Variants in PACRG observed in about 807,000 individuals in gnomAD.
The protein encoded by PACRG is parkin coregulated.
In PACRG, 29 loss-of-function variants were observed where a neutral mutation model predicts 29.7. The ratio of observed to expected loss-of-function variants is 0.98; its 90% CI spans 0.73 to 1.33. The LOEUF (loss-of-function observed/expected upper bound fraction) is 1.33, where lower values mean the gene tolerates loss of function less well. PACRG is among the 40% of genes most tolerant of loss of function. The pLI, the probability that PACRG is intolerant of heterozygous loss-of-function variation, is 0.00. For synonymous variants in PACRG, 116 were observed against 118.7 expected, an observed-to-expected ratio of 0.98 and a Z score of 0.15; for missense variants, 279 against 316.2, an observed-to-expected ratio of 0.88 and a Z score of 0.89.
intron 4 of PACRG, among the ~76,000 whole-genome samples, chr6:163,269,987 G>C (rs1365449715): frequency 6.9e-5 from 7 of 101,924 alleles, no homozygotes; most frequent in East Asian, 3.0e-4. Context: ...AAGAAAGAAA[G>C]AAAGAAAGAA....
At chr6:163,041,205 C>A (rs768273936) in intron 2 of PACRG, among the ~76,000 whole-genome samples, 1 of 151,888 alleles carries the variant, frequency 6.6e-6, no homozygotes, top group Non-Finnish European at 1.5e-5. Context: ...GGCGTGGTGG[C>A]GGGCGCCTGT....
chr6:163,066,153 T>G (rs1281900613), intron 3 of PACRG, among the ~76,000 whole-genome samples: 1 of 152,154 alleles, frequency 6.6e-6, no homozygotes, highest in Non-Finnish European at 1.5e-5. Flanking sequence ...AACTTTAAAT[T>G]ATAACATAAA....
chr6:162,751,587 A>G lies in PACRG; in HGVS notation c.156+23196A>G, dbSNP rs182976302. 4.0e-4 allele frequency among the ~76,000 whole-genome samples: 61 copies of G among 152,272 alleles called. No homozygotes were observed. The East Asian group carries it at 7.1e-3, about 18-fold the overall frequency. On this transcript the variant is annotated intron_variant, in intron 1 of 4. Transcript: ENST00000366888. Reference sequence around the variant, plus strand: ...TTCTTATTCTCAAACTTAATTGTCAATATCAAATAGAGCTTCTCAGATGAG... The same window carrying G: ...TTCTTATTCTCAAACTTAATTGTCAGTATCAAATAGAGCTTCTCAGATGAG...
chr6:162,746,059 T>G (rs1780965474), intron 1 of PACRG, among the ~76,000 whole-genome samples: 1 of 152,136 alleles, frequency 6.6e-6, no homozygotes, highest in Admixed American at 6.6e-5. Flanking sequence ...AAAAAAATTA[T>G]GTAATAAATG....
intron 2 of PACRG, among the ~76,000 whole-genome samples, chr6:163,040,351 C>A (rs905237328): frequency 3.9e-5 from 6 of 152,208 alleles, no homozygotes; most frequent in Admixed American, 1.3e-4. Flanking sequence ...AAGGGCAGAG[C>A]CCTCATGGAG....
chr6:163,259,850 C>G (rs529816481), intron 4 of PACRG, among the ~76,000 whole-genome samples: 114 of 152,304 alleles, frequency 7.5e-4, no homozygotes, highest in Admixed American at 1.4e-3. Flanking sequence ...CCATCCGCCC[C>G]GCTCCACCCC....
At chr6:162,974,895 C>T (rs1283164026) in intron 2 of PACRG, among the ~76,000 whole-genome samples, 7 of 152,146 alleles carry the variant, frequency 4.6e-5, no homozygotes, top group African/African-American at 1.7e-4. Flanking sequence ...AGTCACTGTC[C>T]TGTGAATTAG....
At chr6:162,946,372 T>C (rs893378240) in intron 2 of PACRG, among the ~76,000 whole-genome samples, 2 of 151,848 alleles carry the variant, frequency 1.3e-5, no homozygotes, top group African/African-American at 4.8e-5. Flanking sequence ...AATTATACAC[T>C]TACAAACTGG....
At chr6:162,835,696 A>G (rs1789164747) in intron 2 of PACRG, among the ~76,000 whole-genome samples, 1 of 152,118 alleles carries the variant, frequency 6.6e-6, no homozygotes, top group African/African-American at 2.4e-5. Flanking sequence ...GGTGTTATAT[A>G]TTACACAAGT....
intron 1 of PACRG, among the ~76,000 whole-genome samples, chr6:162,763,455 T>G (rs1336408501): frequency 2.0e-5 from 3 of 152,188 alleles, no homozygotes; most frequent in Non-Finnish European, 4.4e-5. Flanking sequence ...ATCAGCAAAA[T>G]GATAAAAGAA....
intron 1 of PACRG, among the ~76,000 whole-genome samples, chr6:162,776,147 T>C (rs541886231): frequency 8.5e-5 from 13 of 152,374 alleles, no homozygotes; most frequent in Non-Finnish European, 1.5e-4. Flanking sequence ...TCTCTGTATT[T>C]ATTAGCTACA....
At chr6:162,794,279 T>A (rs575225983) in intron 1 of PACRG, among the ~76,000 whole-genome samples, 1 of 152,192 alleles carries the variant, frequency 6.6e-6, no homozygotes, top group Non-Finnish European at 1.5e-5. Context: ...TACTATATAT[T>A]TCCTGCTTTT....
chr6:163,066,443 G>C (rs111465449), intron 3 of PACRG, among the ~76,000 whole-genome samples: 1 of 152,198 alleles, frequency 6.6e-6, no homozygotes, highest in Non-Finnish European at 1.5e-5. Context: ...GAGGAGGACA[G>C]TGTAGTGTGA....
intron 2 of PACRG, among the ~76,000 whole-genome samples, chr6:162,847,076 C>G (rs937147244): frequency 2.0e-5 from 3 of 150,606 alleles, no homozygotes; most frequent in African/African-American, 7.3e-5. Context: ...CTGCCATGCT[C>G]CCCACACTGC....
intron 4 of PACRG, among the ~76,000 whole-genome samples, chr6:163,096,551 T>A (rs893658553): frequency 2.0e-5 from 3 of 152,218 alleles, no homozygotes; most frequent in Non-Finnish European, 4.4e-5. Flanking sequence ...CGGCTGTGGC[T>A]TTTGACGGGT....
chr6:162,818,779 C>G (rs930399309), intron 2 of PACRG, among the ~76,000 whole-genome samples: 2 of 152,142 alleles, frequency 1.3e-5, no homozygotes, highest in Non-Finnish European at 2.9e-5. Flanking sequence ...ATGACATGCA[C>G]TAAGACGGTC....
chr6:162,747,492 A>ATATATATATATATATATATATATATT (rs1562557321), intron 1 of PACRG, among the ~76,000 whole-genome samples: 3 of 130,442 alleles, frequency 2.3e-5, no homozygotes, highest in Non-Finnish European at 4.8e-5. Flanking sequence ...ATATATATAT[A>ATATATATATATATATATATATATATT]TTCCATTAGT....
intron 1 of PACRG, among the ~76,000 whole-genome samples, chr6:162,783,702 G>A (rs1445579237): frequency 2.6e-5 from 4 of 151,822 alleles, no homozygotes; most frequent in Non-Finnish European, 5.9e-5. Flanking sequence ...TATCTCATTA[G>A]TATAAATTCC....
At chr6:162,849,047 A>T (rs934281605) in intron 2 of PACRG, among the ~76,000 whole-genome samples, 1 of 152,206 alleles carries the variant, frequency 6.6e-6, no homozygotes, top group African/African-American at 2.4e-5. Context: ...CCAGAGAAAC[A>T]CAAGAGAAGG....
Sources: allele counts gnomAD v4.1 joint callset (sites outside exome capture counted in the v4.1 genomes callset), GRCh38; gene constraint gnomAD v4.1.1; transcripts MANE v1.5; gene names NCBI Gene and HGNC (gene_info 2026-07-23, HGNC 2026-07-21).